Variants in COL9A3 observed in about 807,000 individuals in gnomAD.
COL9A3 encodes the protein collagen alpha-3(IX) chain.
In COL9A3, 82 loss-of-function variants were observed where a neutral mutation model predicts 110.2. That is an observed-to-expected ratio of 0.74 (90% CI 0.62 to 0.89). COL9A3 has a LOEUF of 0.89. COL9A3 is among the 40% of genes least tolerant of loss of function. The pLI is 0.00. For missense variants in COL9A3, 1,066 were observed against 981.3 expected, an observed-to-expected ratio of 1.09 and a Z score of -1.15; for synonymous variants, 494 against 403.8, an observed-to-expected ratio of 1.22 and a Z score of -2.68.
rs768456840 is a variant in COL9A3, at chr20:62,828,741, C to CCTTACT, written c.901-21_901-16dup. 136 of 1,612,358 alleles carry CCTTACT rather than the reference C, an allele frequency of 8.4e-5. 1 individual carries two copies. The East Asian group carries it at 2.8e-3, about 34-fold the overall frequency. ...GGGAGGGGGGCCACTGCCCGACGGG[C>CCTTACT]CTTACTCATCCCTTGTCCCCAGGGC... is the stretch of plus-strand genomic sequence containing the variant. On this transcript the variant is annotated intron_variant, in intron 17 of 31. Transcript: ENST00000649368.
chr20:62,830,706 C>T (rs1207847321), intron 24 of COL9A3, 118 bp downstream of exon 24: 3 of 542,530 alleles, frequency 5.5e-6, no homozygotes, highest in African/African-American at 5.3e-5. Flanking sequence ...CTACCACAGT[C>T]CCCCAACCCC....
intron 31 of COL9A3, among the ~76,000 whole-genome samples, chr20:62,839,510 C>A (rs1475570806): frequency 6.6e-6 from 1 of 152,228 alleles, no homozygotes; most frequent in Non-Finnish European, 1.5e-5. Context: ...AGGCCTTAGA[C>A]TCCAAGGATG....
At chr20:62,834,705 T>C (rs888160997) in intron 26 of COL9A3, among the ~76,000 whole-genome samples, 5 of 152,226 alleles carry the variant, frequency 3.3e-5, no homozygotes, top group Admixed American at 2.6e-4. Context: ...TGCGGTGGTG[T>C]GATCTCAGCT....
At chr20:62,830,916 G>A (rs1318598) in intron 24 of COL9A3, among the ~76,000 whole-genome samples, 2 of 150,884 alleles carry the variant, frequency 1.3e-5, no homozygotes, top group Non-Finnish European at 3.0e-5. Context: ...CGACTGTGGC[G>A]CCTTTGGCCC....
rs77254690 is a variant in COL9A3 at position 62,835,592 on chromosome 20, G to A, written c.1369-329G>A. On this transcript the variant is annotated intron_variant, in intron 26 of 31. Coordinates refer to ENST00000649368, the MANE Select transcript of COL9A3 (RefSeq NM_001853.4). Reference sequence around the variant, plus strand: ...AGGACCCAGCTGGAGGGGGTTCCAGGGTTTTAGGGCAGAGAGGTTCAGCCC... The same window carrying A: ...AGGACCCAGCTGGAGGGGGTTCCAGAGTTTTAGGGCAGAGAGGTTCAGCCC... Among the ~76,000 whole-genome samples the A allele has an allele frequency of 2.6e-3, 403 of 152,266 alleles. 3 individuals are homozygous for A. The highest frequency in any genetic ancestry group is 9.2e-3 in the African/African-American group (383 of 41,544).
chr20:62,830,314 C>T, intron 22 of COL9A3, 46 bp from the exon 23 acceptor site: 1 of 1,551,414 alleles, frequency 6.4e-7, no homozygotes, highest in Non-Finnish European at 8.7e-7. Flanking sequence ...CTTGGGGACT[C>T]CTCGAACCCT....
intron 12 of COL9A3, chr20:62,825,434 T>C (rs2063544907): frequency 2.7e-6 from 1 of 363,854 alleles, no homozygotes; most frequent in Admixed American, 4.3e-5. Context: ...TCGCTGTCCG[T>C]GGAGGGTGTC....
chr20:62,819,378 C>A, intron 4 of COL9A3, 85 bp downstream of exon 4: 1 of 1,327,558 alleles, frequency 7.5e-7, no homozygotes, highest in Non-Finnish European at 1.1e-6. Flanking sequence ...TGTTGTCCAG[C>A]TGGGCCTGCT....
rs2063643742 is a variant in COL9A3, at chr20:62,837,208, CGAG to C, written c.1732_1734del (p.Gly578del). The C allele has an allele frequency of 1.7e-5, 27 of 1,612,226 alleles. No individual in the cohort carries two copies. The highest frequency in any genetic ancestry group is 2.3e-5 in the Non-Finnish European group (27 of 1,179,714). ...AGGCTCCATTGGTCACCCTGGCGCT[CGAG>C]GACCCCCTGGATACCGCGGTCCCAC... On this transcript the variant is annotated inframe_deletion, in exon 30 of 32. Transcript: ENST00000649368.
chr20:62,824,420 G>C, intron 10 of COL9A3, 25 bp from the exon 11 acceptor site: 1 of 1,588,242 alleles, frequency 6.3e-7, no homozygotes, highest in Non-Finnish European at 8.6e-7. Flanking sequence ...GCTGGGAGGG[G>C]TCTGACTGCT....
chr20:62,824,681 T>C (rs1038688150), intron 11 of COL9A3, among the ~76,000 whole-genome samples, 180 bp downstream of exon 11: 1 of 152,200 alleles, frequency 6.6e-6, no homozygotes, highest in African/African-American at 2.4e-5. Context: ...GACACGCTGA[T>C]GTGGCCAGGC....
chr20:62,825,506 T>G (rs1600796421), intron 12 of COL9A3: 7 of 479,766 alleles, frequency 1.5e-5, no homozygotes, highest in East Asian at 3.7e-5. Context: ...GTGGCTGGAG[T>G]GATCAGATGA....
At chr20:62,821,718 C>A (rs561661877) in intron 7 of COL9A3, 39 bp from the exon 8 acceptor site, 1 of 1,588,728 alleles carries the variant, frequency 6.3e-7, no homozygotes, top group Non-Finnish European at 8.6e-7. Flanking sequence ...TCGGGGCTTC[C>A]GGGTGCAGAC....
At chr20:62,840,415 C>A (rs6090135) in intron 31 of COL9A3, 127 bp from the exon 32 acceptor site, 4 of 912,532 alleles carry the variant, frequency 4.4e-6, no homozygotes, top group Non-Finnish European at 7.1e-6. Flanking sequence ...CCTCCCCACC[C>A]GCTGTGGCCT....
intron 4 of COL9A3, among the ~76,000 whole-genome samples, chr20:62,819,712 G>C (rs531844797): frequency 1.3e-5 from 2 of 152,164 alleles, no homozygotes; most frequent in African/African-American, 4.8e-5. Flanking sequence ...AGGTGCCTCC[G>C]TTGCTGGCTT....
At position 62,836,222 on chromosome 20, in the gene COL9A3, C is replaced by T. The variant is rs773662390; in HGVS notation, c.1437C>T (p.Thr479=). Residue 479 remains threonine (T), a synonymous_variant, in exon 28 of 32, where the codon ACC becomes ACT. Coordinates refer to ENST00000649368, the MANE Select transcript of COL9A3 (RefSeq NM_001853.4). ...GAGGGGAGCTGGGCCCCAAAGGCAC[C>T]CAGGGTCCCAACGGCACCAGCGGTG... ...GSRGELGPKG[T]QGPNGTSGVQ... 6.2e-7 allele frequency: 1 copy of T among 1,613,612 alleles called. No homozygotes were observed. Among genetic ancestry groups the T allele is most frequent in the South Asian group, 1.1e-5 (1 of 91,084 alleles).
chr20:62,835,287 G>A (rs2063626461), intron 26 of COL9A3, among the ~76,000 whole-genome samples: 1 of 152,314 alleles, frequency 6.6e-6, no homozygotes, highest in South Asian at 2.1e-4. Flanking sequence ...AAGACCGAGG[G>A]GTGCATCCAT....
intron 14 of COL9A3, 92 bp downstream of exon 14, chr20:62,826,349 A>C (rs1357233485): frequency 1.6e-6 from 2 of 1,214,808 alleles, no homozygotes; most frequent in Non-Finnish European, 2.3e-6. Context: ...CGTGAGTGAC[A>C]CTCTGAAGCA....
At position 62,836,551 on chromosome 20, in the gene COL9A3, C is replaced by G. The variant is rs747609327; in HGVS notation, c.1603+19C>G. On this transcript the variant is annotated intron_variant, in intron 29 of 31. Coordinates refer to ENST00000649368, the MANE Select transcript of COL9A3 (RefSeq NM_001853.4). The stretch of plus-strand genomic sequence containing the variant: ...ATCAGCGGTAAGTCAGCCACGTGCA[C>G]CGGCTGCAGCGGGGCCCATCCCCGC... 111 of 1,596,486 alleles carry G rather than the reference C, an allele frequency of 7.0e-5. No individual in the cohort carries two copies. Among genetic ancestry groups the G allele is most frequent in the Non-Finnish European group, 9.0e-5 (105 of 1,171,262 alleles).
Sources: allele counts gnomAD v4.1 joint callset (sites outside exome capture counted in the v4.1 genomes callset), GRCh38; gene constraint gnomAD v4.1.1; transcripts MANE v1.5; gene names NCBI Gene and HGNC (gene_info 2026-07-23, HGNC 2026-07-21).